Variants in NRXN2 observed in about 807,000 individuals in gnomAD.
The protein encoded by NRXN2 is neurexin 2.
In NRXN2, 29 loss-of-function variants were observed where a neutral mutation model predicts 128.8. The ratio of observed to expected loss-of-function variants is 0.23; its 90% CI spans 0.17 to 0.31. NRXN2 has a LOEUF of 0.31. NRXN2 is among the 10% of genes least tolerant of loss of function. The pLI is 1.00. For synonymous variants in NRXN2, 1,098 were observed against 1,075.2 expected, an observed-to-expected ratio of 1.02 and a Z score of -0.41; for missense variants, 1,881 against 2,452.6, an observed-to-expected ratio of 0.77 and a Z score of 4.92.
intron 3 of NRXN2, among the ~76,000 whole-genome samples, chr11:64,693,263 AAGG>A (rs111735107): frequency 6.6e-6 from 1 of 151,478 alleles, no homozygotes; most frequent in South Asian, 2.1e-4. Context: ...AAAAAAGGAA[AAGG>A]AGGAGAAGCA....
intron 5 of NRXN2, among the ~76,000 whole-genome samples, chr11:64,687,760 G>A (rs1286759834): frequency 6.6e-6 from 1 of 152,164 alleles, no homozygotes; most frequent in Non-Finnish European, 1.5e-5. Context: ...AGGGATGAGC[G>A]CGGCTATCTG....
intron 7 of NRXN2, chr11:64,676,764 C>T (rs2051377254): frequency 1.2e-5 from 7 of 596,028 alleles, no homozygotes; most frequent in South Asian, 2.1e-5. Flanking sequence ...CCAAATTCCT[C>T]GATTTCCATT....
chr11:64,640,721 G>C (rs1036773633), intron 17 of NRXN2, among the ~76,000 whole-genome samples: 1 of 152,146 alleles, frequency 6.6e-6, no homozygotes, highest in African/African-American at 2.4e-5. Context: ...GGAGGAAAGA[G>C]TTTGAAGGAA....
intron 17 of NRXN2, among the ~76,000 whole-genome samples, chr11:64,636,892 A>G (rs916274319): frequency 2.0e-5 from 3 of 152,088 alleles, no homozygotes; most frequent in African/African-American, 7.2e-5. Flanking sequence ...TGGGGCAATC[A>G]GGGGTGAGGA....
chr11:64,705,440 C>G (rs2056135500), intron 2 of NRXN2, among the ~76,000 whole-genome samples: 1 of 151,866 alleles, frequency 6.6e-6, no homozygotes, highest in Non-Finnish European at 1.5e-5. Context: ...GCGAGTCCCC[C>G]CTCTCTCCTC....
At chr11:64,672,034 C>T (rs1010571103) in intron 7 of NRXN2, among the ~76,000 whole-genome samples, 25 of 152,264 alleles carry the variant, frequency 1.6e-4, no homozygotes, top group African/African-American at 5.1e-4. Flanking sequence ...ACAAGCAGGC[C>T]GAGTGGGTAC....
chr11:64,705,307 A>G (rs2056113347), intron 2 of NRXN2, among the ~76,000 whole-genome samples: 1 of 152,190 alleles, frequency 6.6e-6, no homozygotes, highest in Non-Finnish European at 1.5e-5. Context: ...CTCAGATCCC[A>G]GCTCTTACAT....
Position 64,713,238 on chromosome 11 carries a change from G to T in NRXN2, c.462C>A (p.Gly154=). 1 of 1,462,492 alleles carries T rather than the reference G, an allele frequency of 6.8e-7. No individual in the cohort carries two copies. The highest frequency in any genetic ancestry group is 9.0e-7 in the Non-Finnish European group (1 of 1,110,964). The allele number at this position is 1,462,492 out of a possible 1,614,324, so 90.6% of individuals were successfully genotyped here. A position where few individuals can be genotyped will look rare whatever the true frequency, so the allele number is the denominator to read the frequency against. Reference sequence around the variant, plus strand: ...CCGAGAGGCGCACGTCGGGCGGGATGCCGCCCACGAACAGGTCGCTGGCCA... The same window carrying T: ...CCGAGAGGCGCACGTCGGGCGGGATTCCGCCCACGAACAGGTCGCTGGCCA... The part of the protein sequence containing the change: ...MQVASDLFVG[G]IPPDVRLSAL... The change falls in exon 2 of 23, where the codon GGC becomes GGA. Residue 154 remains glycine (G), a synonymous_variant. Transcript: ENST00000265459.
chr11:64,671,495 C>T (rs921047552), intron 7 of NRXN2, among the ~76,000 whole-genome samples: 1 of 152,112 alleles, frequency 6.6e-6, no homozygotes, highest in African/African-American at 2.4e-5. Flanking sequence ...TGCCCCCCAA[C>T]CTCCCCCCCA....
chr11:64,709,903 TCTTC>T (rs2056725492), intron 2 of NRXN2, among the ~76,000 whole-genome samples: 1 of 149,480 alleles, frequency 6.7e-6, no homozygotes, highest in Non-Finnish European at 1.5e-5. Context: ...TCCCTTTTCT[TCTTC>T]CTTTTTTTTT....
intron 1 of NRXN2, among the ~76,000 whole-genome samples, chr11:64,720,751 G>A (rs1261696043): frequency 6.6e-6 from 1 of 152,214 alleles, no homozygotes; most frequent in Non-Finnish European, 1.5e-5. Context: ...ACATGCACAT[G>A]GTACTTCAGG....
rs772660008 is a variant in NRXN2, at chr11:64,642,714, CGGCGGCGGCGGTGGA to C, written c.3403+5490_3403+5504del. ...GCGGCAACAGCGGCAGCAGAGGTGGCGGCGGCGGCGGTGGAGGCGGCGGCAGGGGCCCAGCCAGGG... is the reference window on the plus strand; with the variant it reads ...GCGGCAACAGCGGCAGCAGAGGTGGCGGCGGCGGCAGGGGCCCAGCCAGGG... On this transcript the variant is annotated intron_variant, in intron 17 of 22. Coordinates refer to ENST00000265459, the MANE Select transcript of NRXN2 (RefSeq NM_015080.4). The C allele has an allele frequency of 9.0e-6, 13 of 1,437,920 alleles. No individual in the cohort carries two copies. The East Asian group carries it at 3.3e-4, about 36-fold the overall frequency. 89.1% of individuals were successfully genotyped at this position (1,437,920 alleles called of 1,614,324 possible).
rs963234953 is a variant in NRXN2 at position 64,673,220 on chromosome 11, T to C, written c.1197+3773A>G. 2.0e-5 allele frequency among the ~76,000 whole-genome samples: 3 copies of C among 152,196 alleles called. No homozygotes were observed. In the East Asian group the frequency reaches 5.8e-4, roughly 29 times the overall value. ...ATGATATTCAAAAGGGGAAAGCTAT[T>C]CAAAGAGTCCCAGTGTGTGTACAAA... On this transcript the variant is annotated intron_variant, in intron 7 of 22. Coordinates refer to ENST00000265459, the MANE Select transcript of NRXN2 (RefSeq NM_015080.4).
chr11:64,693,361 C>T (rs1393113482), intron 3 of NRXN2, among the ~76,000 whole-genome samples: 8 of 142,092 alleles, frequency 5.6e-5, no homozygotes, highest in Admixed American at 1.4e-4. Context: ...AAACAGTCAA[C>T]GAGAAAAACG....
At chr11:64,612,238 C>A (rs935922118) in intron 22 of NRXN2, among the ~76,000 whole-genome samples, 11 of 152,090 alleles carry the variant, frequency 7.2e-5, no homozygotes, top group Non-Finnish European at 1.5e-4. Context: ...CTCCTCCCTG[C>A]CAAAAGCCCA....
In NRXN2 at chr11:64,685,632, C is replaced by T; in HGVS notation, c.1152+14G>A. On this transcript the variant is annotated intron_variant, in intron 6 of 22. Transcript: ENST00000265459. ...GGTATAGCTAATCCCTGGCCTTCTT[C>T]TCACTCCTCCTACCTGGCGCAGGTT... is the stretch of plus-strand genomic sequence containing the variant. The T allele has an allele frequency of 6.2e-7, 1 of 1,614,234 alleles. No homozygotes were observed. The highest frequency in any genetic ancestry group is 8.5e-7 in the Non-Finnish European group (1 of 1,180,044).
rs756385538 is a variant in NRXN2 at position 64,677,056 on chromosome 11, G to C, written c.1153-19C>G. ...CTGCGTGCTTCACCGGAGATATGGG[G>C]GGATGGGGAGGAGGGGGGTGTCAAA... On this transcript the variant is annotated intron_variant, in intron 6 of 22. Coordinates refer to ENST00000265459, the MANE Select transcript of NRXN2 (RefSeq NM_015080.4). 11 of 1,481,898 alleles carry C rather than the reference G, an allele frequency of 7.4e-6. No individual in the cohort carries two copies. The East Asian group carries it at 1.2e-4, about 16-fold the overall frequency. 91.8% of individuals were successfully genotyped at this position (1,481,898 alleles called of 1,614,324 possible). A position where few individuals can be genotyped will look rare whatever the true frequency, so the allele number is the denominator to read the frequency against.
rs1037640818 is a variant in NRXN2, at chr11:64,714,390, A to T, written c.-244-447T>A. On this transcript the variant is annotated intron_variant, in intron 1 of 22. Transcript: ENST00000265459. This position sits in a 1 kb window ranked among gnomAD's most constrained non-coding sequence, Gnocchi z 4.5. ...CCACTGTTCCTCTCATCAGCTCTTGATACTGGATAATGAAGTTGCTAAATA... is the reference window on the plus strand; with the variant it reads ...CCACTGTTCCTCTCATCAGCTCTTGTTACTGGATAATGAAGTTGCTAAATA... 1.3e-5 allele frequency among the ~76,000 whole-genome samples: 2 copies of T among 152,202 alleles called. No individual in the cohort carries two copies. The highest frequency in any genetic ancestry group is 4.1e-4 in the South Asian group (2 of 4,824).
At chr11:64,708,291 T>C (rs1719904789) in intron 2 of NRXN2, among the ~76,000 whole-genome samples, 1 of 152,216 alleles carries the variant, frequency 6.6e-6, no homozygotes, top group South Asian at 2.1e-4. Context: ...ACTAGTTTCC[T>C]ATTTTTCTCC....
Sources: gnomAD v4.1 joint callset for allele counts (sites outside exome capture counted in the v4.1 genomes callset) on GRCh38, gnomAD v4.1.1 for gene constraint, Gnocchi (gnomAD v3.1) non-coding constraint, MANE v1.5 for transcripts, NCBI Gene and HGNC (gene_info 2026-07-23, HGNC 2026-07-21) for gene names.